DNAH10: variants seen among roughly 807,000 people sequenced by gnomAD.
DNAH10 encodes dynein axonemal heavy chain 10, also known as axonemal beta dynein heavy chain 10.
In DNAH10, 348 loss-of-function variants were observed where a neutral mutation model predicts 506.6. The ratio of observed to expected loss-of-function variants is 0.69; its 90% CI spans 0.63 to 0.75. DNAH10 has a LOEUF of 0.75. DNAH10 is among the 30% of genes least tolerant of loss of function. The pLI, the probability that DNAH10 is intolerant of heterozygous loss-of-function variation, is 0.00. For missense variants in DNAH10, 5,179 were observed against 5,787.1 expected (o/e 0.89, Z 3.41); for synonymous variants, 2,059 against 2,198.6 (o/e 0.94, Z 1.78).
chr12:123,931,967 C>T lies in DNAH10; in HGVS notation c.13155C>T (p.Ser4385=), dbSNP rs376371481. ...CCTTGGCTGGAGAAGTTGGAATGAG[C>T]AATGAGTTAGATGATGTGGCCAGGT... The part of the protein sequence containing the change: ...QRALAGEVGM[S]NELDDVARSL... Residue 4385 remains serine (S), a synonymous_variant, in exon 76 of 79, where the codon AGC becomes AGT. Transcript: ENST00000673944. 9.1e-5 allele frequency: 147 copies of T among 1,613,896 alleles called. No homozygotes were observed. Among genetic ancestry groups the T allele is most frequent in the Non-Finnish European group, 1.2e-4 (136 of 1,179,896 alleles).
At chr12:123,867,118 G>A (rs10773044) in intron 41 of DNAH10, among the ~76,000 whole-genome samples, 66,912 of 151,686 alleles carry the variant, frequency 0.44, 15,319 homozygotes, top group Non-Finnish European at 0.5. Context: ...ATAGGGAGGG[G>A]ACCTTCACTG....
In DNAH10 at chr12:123,871,449, T is replaced by A. The variant is rs1952032490; in HGVS notation, c.7640-8T>A. On this transcript the variant is annotated splice_polypyrimidine_tract_variant and splice_region_variant and intron_variant, in intron 44 of 78. Transcript: ENST00000673944. ...CTGAGATGCCCCTGTTCCTAATGTCTACTTTAGTTCACACAGTGGATACCA... is the reference window on the plus strand; with the variant it reads ...CTGAGATGCCCCTGTTCCTAATGTCAACTTTAGTTCACACAGTGGATACCA... 6.3e-7 allele frequency: 1 copy of A among 1,586,364 alleles called. No homozygotes were observed. The highest frequency in any genetic ancestry group is 8.6e-7 in the Non-Finnish European group (1 of 1,164,946).
chr12:123,814,740 G>A (rs112344937), intron 21 of DNAH10, among the ~76,000 whole-genome samples: 15 of 149,964 alleles, frequency 1.0e-4, no homozygotes, highest in African/African-American at 3.2e-4. Context: ...TCAGCCTCCC[G>A]AGTACCTGGG....
intron 40 of DNAH10, 132 bp from the exon 41 acceptor site, chr12:123,865,818 TG>T: frequency 2.4e-6 from 2 of 836,488 alleles, no homozygotes; most frequent in Non-Finnish European, 3.4e-6. Flanking sequence ...AAAAAGCTCA[TG>T]GAAGCTGTGT....
chr12:123,822,450 G>A (rs556890836), intron 24 of DNAH10, among the ~76,000 whole-genome samples: 77 of 152,212 alleles, frequency 5.1e-4, no homozygotes, highest in African/African-American at 1.7e-3. Flanking sequence ...AGAATCAATA[G>A]GAGATATGTG....
At chr12:123,887,901 T>G (rs1326262185) in intron 52 of DNAH10, among the ~76,000 whole-genome samples, 1 of 151,828 alleles carries the variant, frequency 6.6e-6, no homozygotes, top group African/African-American at 2.4e-5. Context: ...CCCACCACCA[T>G]GCCCGGCTAA....
intron 17 of DNAH10, 81 bp downstream of exon 17, chr12:123,803,906 C>T (rs1374327655): frequency 2.3e-6 from 3 of 1,279,804 alleles, no homozygotes; most frequent in African/African-American, 3.1e-5. Flanking sequence ...ATATATGTAC[C>T]TATAAATATA....
chr12:123,859,234 G>A lies in DNAH10; in HGVS notation c.6715G>A (p.Val2239Ile), dbSNP rs771895256. ...VVGPTRGGKS[V>I]VINTLCQAQT... ...GGGGCCCACCAGAGGGGGCAAGTCC[G>A]TCGTCATTAACACTCTGTGTCAGGC... The change falls in exon 38 of 79, where the codon GTC (valine) becomes ATC (isoleucine). Residue 2239 changes from valine to isoleucine, a missense_variant. This residue lies in a region of DNAH10 where 4,844 missense variants were observed against 5,430.5 expected (regional missense o/e 0.89). Coordinates refer to ENST00000673944, the MANE Select transcript of DNAH10 (RefSeq NM_001372106.1). 26 of 1,609,730 alleles carry A rather than the reference G, an allele frequency of 1.6e-5. No individual in the cohort carries two copies. Among genetic ancestry groups the A allele is most frequent in the African/African-American group, 4.0e-5 (3 of 74,806 alleles).
intron 4 of DNAH10, 49 bp downstream of exon 4, chr12:123,772,991 G>A (rs982752996): frequency 4.6e-5 from 59 of 1,278,292 alleles, no homozygotes; most frequent in Non-Finnish European, 6.6e-5. Flanking sequence ...GGGTGTGGTT[G>A]TGCATGCACT....
chr12:123,865,089 A>C (rs1951751171), intron 40 of DNAH10, among the ~76,000 whole-genome samples: 1 of 152,252 alleles, frequency 6.6e-6, no homozygotes, highest in Non-Finnish European at 1.5e-5. Flanking sequence ...TATATTGCTA[A>C]GTTGGTTAAC....
chr12:123,913,435 G>A lies in DNAH10; in HGVS notation c.10352+120G>A. 1 of 1,067,410 alleles carries A rather than the reference G, an allele frequency of 9.4e-7. No individual in the cohort carries two copies. The highest frequency in any genetic ancestry group is 1.3e-6 in the Non-Finnish European group (1 of 761,330). 66.1% of individuals were successfully genotyped at this position (1,067,410 alleles called of 1,614,324 possible). On this transcript the variant is annotated intron_variant, in intron 60 of 78. Coordinates refer to ENST00000673944, the MANE Select transcript of DNAH10 (RefSeq NM_001372106.1). This position sits in a 1 kb window ranked among gnomAD's most constrained non-coding sequence, Gnocchi z 5.1. ...TTTTATGTGAAAACCATGTGACCAG[G>A]TCTTATGTTCCTATTATCATGTTTA...
rs1428451729 is a variant in DNAH10 at position 123,879,783 on chromosome 12, G to A, written c.8616G>A (p.Ala2872=). 1.2e-5 allele frequency: 20 copies of A among 1,613,994 alleles called. 1 individual carries two copies. The highest frequency in any genetic ancestry group is 1.4e-5 in the Non-Finnish European group (16 of 1,179,876). The change falls in exon 50 of 79, where the codon GCG becomes GCA. Residue 2872 remains alanine, a synonymous_variant. Transcript: ENST00000673944. The stretch of plus-strand genomic sequence containing the variant: ...ATGAAGACATCCAGGACTACGAGGC[G>A]GCCAAGGCTCTGTTCCAGGTGGGGA... ...RIYEDIQDYE[A]AKALFQEILE...
chr12:123,893,733 C>T (rs1311241728), intron 53 of DNAH10, among the ~76,000 whole-genome samples: 2 of 152,204 alleles, frequency 1.3e-5, no homozygotes, highest in Non-Finnish European at 2.9e-5. Context: ...AGCCTCATGC[C>T]AGCCTTTAGA....
chr12:123,847,342 A>G (rs1206877944), intron 32 of DNAH10, among the ~76,000 whole-genome samples: 2 of 150,038 alleles, frequency 1.3e-5, no homozygotes, highest in Non-Finnish European at 2.9e-5. Flanking sequence ...CTATCTATCT[A>G]TCTATCTATC....
At chr12:123,880,378 C>T (rs1952451249) in intron 50 of DNAH10, among the ~76,000 whole-genome samples, 1 of 152,062 alleles carries the variant, frequency 6.6e-6, no homozygotes, top group African/African-American at 2.4e-5. Flanking sequence ...CTCTCTCTGT[C>T]ACCCAGGCCA....
At chr12:123,886,426 T>C (rs1952729284) in intron 51 of DNAH10, among the ~76,000 whole-genome samples, 1 of 152,124 alleles carries the variant, frequency 6.6e-6, no homozygotes, top group Non-Finnish European at 1.5e-5. Flanking sequence ...CAGGCAGAAC[T>C]GGAGACCAGA....
At position 123,909,309 on chromosome 12, in the gene DNAH10, C is replaced by G. The variant is rs1953959505; in HGVS notation, c.9864C>G (p.Ile3288Met). 1.2e-6 allele frequency: 2 copies of G among 1,613,482 alleles called. No homozygotes were observed. The highest frequency in any genetic ancestry group is 1.7e-6 in the Non-Finnish European group (2 of 1,179,742). The change falls in exon 58 of 79, where the codon ATC becomes ATG. Residue 3288 changes from isoleucine (I) to methionine (M), a missense_variant. Physicochemically the swap from Ile to Met is conservative, Grantham distance 10. This residue lies in a region of DNAH10 where 4,844 missense variants were observed against 5,430.5 expected (regional missense o/e 0.89). Coordinates refer to ENST00000673944, the MANE Select transcript of DNAH10 (RefSeq NM_001372106.1). The surrounding 1 kb of genome is among the most constrained non-coding windows in gnomAD (Gnocchi z 5.4). Reference sequence around the variant, plus strand: ...AGGTGCAGACGGTCTGCGAATGCATCCTCATCATGAAAGGGTACAAAGAGC... The same window carrying G: ...AGGTGCAGACGGTCTGCGAATGCATGCTCATCATGAAAGGGTACAAAGAGC... The part of the protein sequence containing the change: ...PKQVQTVCEC[I>M]LIMKGYKELN...
Position 123,930,546 on chromosome 12 carries a change from G to C in DNAH10, c.12757G>C (p.Val4253Leu). The C allele has an allele frequency of 6.2e-7, 1 of 1,602,314 alleles. No homozygotes were observed. Among genetic ancestry groups the C allele is most frequent in the Non-Finnish European group, 8.5e-7 (1 of 1,177,114 alleles). ...CAAGGAAGTGGACTACAAAATCCCT[G>C]TTGGTGATGAAAAGGAGAAATTTGT... ...RNKEVDYKIP[V>L]GDEKEKFVEA... is the part of the protein sequence containing the mutation. The change falls in exon 73 of 79, where the codon GTT (valine) becomes CTT (leucine). Residue 4253 changes from valine (V) to leucine (L), a missense_variant. Around this residue, in one of 3 missense-constraint regions of DNAH10, gnomAD observed 4,844 missense variants for 5,430.5 expected, o/e 0.89. Transcript: ENST00000673944.
At chr12:123,810,264 A>G (rs1958880489) in intron 19 of DNAH10, among the ~76,000 whole-genome samples, 1 of 152,248 alleles carries the variant, frequency 6.6e-6, no homozygotes, top group Non-Finnish European at 1.5e-5. Flanking sequence ...ATCACCCCCC[A>G]GCACACTGGC....
Sources: allele counts gnomAD v4.1 joint callset (sites outside exome capture counted in the v4.1 genomes callset), GRCh38; gene constraint gnomAD v4.1.1; regional missense constraint gnomAD v4.1.1; non-coding constraint Gnocchi (gnomAD v3.1); transcripts MANE v1.5; gene names NCBI Gene and HGNC (gene_info 2026-07-23, HGNC 2026-07-21).